SEC63: variants seen among roughly 807,000 people sequenced by gnomAD.
SEC63 encodes the protein translocation protein SEC63 homolog.
A neutral mutation model predicts 116.2 loss-of-function variants in SEC63; 56 were observed. That is an observed-to-expected ratio of 0.48 (90% CI 0.39 to 0.60). The LOEUF (loss-of-function observed/expected upper bound fraction) is 0.60. SEC63 is among the 20% of genes least tolerant of loss of function. The probability of loss-of-function intolerance (pLI) is 0.00; values close to 1 mark genes in which losing one functional copy is unlikely to be tolerated. For synonymous variants in SEC63, 273 were observed against 294.6 expected (o/e 0.93, Z 0.75); for missense variants, 668 against 900.0 (o/e 0.74, Z 3.30).
intron 18 of SEC63, chr6:107,877,376 A>T (rs954145647): frequency 6.6e-6 from 1 of 152,148 alleles, no homozygotes; most frequent in Non-Finnish European, 1.5e-5. Flanking sequence ...CTAAACTCTC[A>T]ATTGTCCGAA....
chr6:107,887,171 A>C (rs1352352825), intron 16 of SEC63, among the ~76,000 whole-genome samples: 1 of 151,708 alleles, frequency 6.6e-6, no homozygotes. Flanking sequence ...TAGTTCAACC[A>C]TTGTGGAAGT....
intron 1 of SEC63, among the ~76,000 whole-genome samples, chr6:107,939,215 C>T (rs1246504289): frequency 6.6e-6 from 1 of 151,918 alleles, no homozygotes; most frequent in Non-Finnish European, 1.5e-5. Context: ...CCCAGCAGTT[C>T]GAGGCTGTAG....
chr6:107,943,239 G>A (rs1770414321), intron 1 of SEC63, among the ~76,000 whole-genome samples: 1 of 152,162 alleles, frequency 6.6e-6, no homozygotes, highest in South Asian at 2.1e-4. Flanking sequence ...ACTTTACACA[G>A]TTATGATTTA....
At position 107,883,091 on chromosome 6, in the gene SEC63, T is replaced by G; in HGVS notation, c.1730A>C (p.Glu577Ala). ...EEVSDKGSDS[E>A]EEETNRDSQS... ...GGAATCTCTATTGGTTTCTTCTTCT[T>G]CAGAATCACTGCCCTTATCTGAAAC... Residue 577 changes from glutamate to alanine, a missense_variant, in exon 17 of 21, where the codon GAA becomes GCA. Physicochemically the swap from Glu to Ala is moderately radical, Grantham distance 107. This residue lies in a region of SEC63 where 430 missense variants were observed against 557.5 expected (regional missense o/e 0.77). Transcript: ENST00000369002. The G allele has an allele frequency of 6.2e-7, 1 of 1,612,832 alleles. No homozygotes were observed. Among genetic ancestry groups the G allele is most frequent in the Non-Finnish European group, 8.5e-7 (1 of 1,179,368 alleles).
Position 107,921,883 on chromosome 6 carries a change from T to C in SEC63, c.366A>G (p.Lys122=). Residue 122 remains lysine (K), a synonymous_variant, in exon 4 of 21, where the codon AAA becomes AAG. Transcript: ENST00000369002. ...DPGATVAEIK[K]QYRLLSLKYH... ...ATTTAAGTGACAGCAAACGATATTG[T>C]TTTTTAATTTCTGCTACTGTGGCTC... The C allele has an allele frequency of 1.2e-6, 2 of 1,610,200 alleles. No individual in the cohort carries two copies. The highest frequency in any genetic ancestry group is 1.3e-5 in the African/African-American group (1 of 74,166).
chr6:107,872,161 A>G (rs1786149860), intron 20 of SEC63, among the ~76,000 whole-genome samples: 2 of 152,220 alleles, frequency 1.3e-5, no homozygotes, highest in African/African-American at 4.8e-5. Flanking sequence ...ACTGAGTCAT[A>G]TCTTAACAGA....
chr6:107,894,377 A>T (rs1401654484), intron 14 of SEC63, among the ~76,000 whole-genome samples: 1 of 152,132 alleles, frequency 6.6e-6, no homozygotes, highest in East Asian at 1.9e-4. Flanking sequence ...TGAGACTAAG[A>T]ACTGAATCAT....
chr6:107,954,185 T>G (rs1296931619), intron 1 of SEC63, among the ~76,000 whole-genome samples: 1 of 152,092 alleles, frequency 6.6e-6, no homozygotes, highest in Non-Finnish European at 1.5e-5. Flanking sequence ...CTGTGCTCTC[T>G]GAAACATGTG....
At chr6:107,887,093 AAAC>A (rs1238847414) in intron 16 of SEC63, among the ~76,000 whole-genome samples, 2 of 152,152 alleles carry the variant, frequency 1.3e-5, no homozygotes, top group African/African-American at 2.4e-5. Context: ...AAAAGTCAGG[AAAC>A]AACAGCTGCT....
At chr6:107,894,195 T>C (rs1786760738) in intron 14 of SEC63, among the ~76,000 whole-genome samples, 2 of 152,258 alleles carry the variant, frequency 1.3e-5, no homozygotes. Context: ...CTTTTATTCT[T>C]AGCAAGCAAA....
At chr6:107,911,709 TTTTAA>T (rs1390785168) in intron 6 of SEC63, among the ~76,000 whole-genome samples, 2 of 152,224 alleles carry the variant, frequency 1.3e-5, no homozygotes, top group Non-Finnish European at 2.9e-5. Context: ...ATAAATTACC[TTTTAA>T]TTTTTTATTT....
intron 12 of SEC63, among the ~76,000 whole-genome samples, chr6:107,902,446 A>G (rs1027152761): frequency 2.0e-5 from 3 of 152,160 alleles, no homozygotes; most frequent in Non-Finnish European, 4.4e-5. Context: ...TAGATTATAT[A>G]TTCTAAATAA....
At chr6:107,943,116 C>G (rs138143942) in intron 1 of SEC63, among the ~76,000 whole-genome samples, 1 of 152,190 alleles carries the variant, frequency 6.6e-6, no homozygotes, top group African/African-American at 2.4e-5. Context: ...AAACTGCTCA[C>G]GCAGAGATGA....
chr6:107,939,138 C>T (rs765363764), intron 1 of SEC63, among the ~76,000 whole-genome samples: 1 of 151,958 alleles, frequency 6.6e-6, no homozygotes, highest in African/African-American at 2.4e-5. Context: ...TAAAAATTAC[C>T]TGGGAGTGGT....
At chr6:107,882,067 A>G (rs1193668333) in intron 17 of SEC63, among the ~76,000 whole-genome samples, 1 of 152,198 alleles carries the variant, frequency 6.6e-6, no homozygotes, top group Non-Finnish European at 1.5e-5. Context: ...CTGGCAATCA[A>G]TTTAATTCTC....
intron 16 of SEC63, among the ~76,000 whole-genome samples, chr6:107,886,999 G>A (rs1343204615): frequency 6.6e-6 from 1 of 152,058 alleles, no homozygotes; most frequent in African/African-American, 2.4e-5. Flanking sequence ...TTTTCTTCTA[G>A]GGTTTTTATG....
At position 107,868,035 on chromosome 6, in the gene SEC63, C is replaced by G. The variant is rs1266148976; in HGVS notation, c.*3669G>C. 6.6e-6 allele frequency: 1 copy of G among 151,988 alleles called. No homozygotes were observed. The highest frequency in any genetic ancestry group is 1.5e-5 in the Non-Finnish European group (1 of 68,006). 9.4% of individuals were successfully genotyped at this position (151,988 alleles called of 1,614,324 possible). On this transcript the variant is annotated 3_prime_UTR_variant, in exon 21 of 21. Transcript: ENST00000369002. ...CAAGATCGCATCTTTTTAAGTTTTG[C>G]AAAATAGCCCTAGCATCAAGTTTAA...
intron 15 of SEC63, 73 bp downstream of exon 15, chr6:107,893,765 A>G (rs963743061): frequency 2.4e-5 from 39 of 1,598,412 alleles, no homozygotes; most frequent in African/African-American, 4.0e-5. Flanking sequence ...CCAGAGCAAT[A>G]TAAGTCAATT....
At chr6:107,922,414 G>A (rs1454433153) in intron 3 of SEC63, among the ~76,000 whole-genome samples, 1 of 152,208 alleles carries the variant, frequency 6.6e-6, no homozygotes, top group Non-Finnish European at 1.5e-5. Context: ...GGTGAAGCAG[G>A]AGAATCACTT....
Sources: allele counts gnomAD v4.1 joint callset (sites outside exome capture counted in the v4.1 genomes callset), GRCh38; gene constraint gnomAD v4.1.1; regional missense constraint gnomAD v4.1.1; transcripts MANE v1.5; gene names NCBI Gene and HGNC (gene_info 2026-07-23, HGNC 2026-07-21).